The following PARD3 variants were observed in gnomAD, a reference collection of about 807,000 sequenced individuals.
The protein encoded by PARD3 is partitioning defective 3 homolog.
PARD3 carries 75 observed loss-of-function variants against 155.4 expected under a neutral mutation model. That is an observed-to-expected ratio of 0.48 (90% CI 0.40 to 0.58). The LOEUF is 0.58. Ranked by LOEUF, PARD3 falls within the 20% of genes least tolerant of loss-of-function variation. The probability of loss-of-function intolerance (pLI) is 0.00; values close to 1 mark genes in which losing one functional copy is unlikely to be tolerated. For synonymous variants in PARD3, 576 were observed against 610.5 expected (o/e 0.94, Z 0.83); for missense variants, 1,642 against 1,721.7 (o/e 0.95, Z 0.82).
At chr10:34,700,073 T>A (rs2094245902) in intron 1 of PARD3, among the ~76,000 whole-genome samples, 1 of 152,092 alleles carries the variant, frequency 6.6e-6, no homozygotes, top group South Asian at 2.1e-4. Context: ...AATTGTGTAT[T>A]ATGACAACCA....
intron 16 of PARD3, 110 bp from the exon 17 acceptor site, chr10:34,337,536 C>T (rs1023718798): frequency 2.0e-6 from 1 of 490,296 alleles, no homozygotes; most frequent in Non-Finnish European, 3.3e-6. Context: ...GTATATTCCT[C>T]AAGAAAAATT....
At chr10:34,687,137 T>C (rs1247788110) in intron 2 of PARD3, among the ~76,000 whole-genome samples, 10 of 152,184 alleles carry the variant, frequency 6.6e-5, no homozygotes, top group Non-Finnish European at 2.9e-5. Flanking sequence ...CTGAAAATTC[T>C]GCCATACTTG....
chr10:34,689,718 A>G (rs1313236914), intron 2 of PARD3, among the ~76,000 whole-genome samples: 1 of 152,224 alleles, frequency 6.6e-6, no homozygotes, highest in Admixed American at 6.5e-5. Flanking sequence ...GCAGAAGGAT[A>G]CAAAATCTAA....
intron 2 of PARD3, among the ~76,000 whole-genome samples, chr10:34,591,533 A>C (rs1461098469): frequency 6.6e-6 from 1 of 152,180 alleles, no homozygotes; most frequent in Non-Finnish European, 1.5e-5. Context: ...AATATCATAT[A>C]GTAAAGTAAG....
intron 22 of PARD3, among the ~76,000 whole-genome samples, chr10:34,166,783 A>C (rs1256918969): frequency 6.6e-6 from 1 of 152,126 alleles, no homozygotes; most frequent in Non-Finnish European, 1.5e-5. Flanking sequence ...TTCTCCTTAA[A>C]TACTTCTTTT....
chr10:34,271,056 C>A (rs901656580), intron 21 of PARD3, among the ~76,000 whole-genome samples: 14 of 152,050 alleles, frequency 9.2e-5, no homozygotes, highest in Admixed American at 7.9e-4. Flanking sequence ...AATTTAAGTA[C>A]ACACTTAAAT....
At chr10:34,294,427 G>A (rs997057474) in intron 20 of PARD3, among the ~76,000 whole-genome samples, 1 of 152,180 alleles carries the variant, frequency 6.6e-6, no homozygotes, top group African/African-American at 2.4e-5. Context: ...GATTGGTGGT[G>A]GGGAAGCCCC....
chr10:34,308,590 A>C (rs1450848871), intron 20 of PARD3, among the ~76,000 whole-genome samples: 1 of 152,194 alleles, frequency 6.6e-6, no homozygotes, highest in Non-Finnish European at 1.5e-5. Flanking sequence ...TCGCGGGAGC[A>C]GTTTGCGGGG....
intron 14 of PARD3, among the ~76,000 whole-genome samples, chr10:34,349,310 G>T (rs1418364527): frequency 6.6e-6 from 1 of 152,086 alleles, no homozygotes; most frequent in Non-Finnish European, 1.5e-5. Flanking sequence ...GCACTGGGGA[G>T]ATTTAATGCA....
chr10:34,761,946 A>G (rs779333122), intron 1 of PARD3, among the ~76,000 whole-genome samples: 1 of 152,176 alleles, frequency 6.6e-6, no homozygotes, highest in African/African-American at 2.4e-5. Flanking sequence ...ATACAAATAC[A>G]TATATATAAA....
intron 5 of PARD3, among the ~76,000 whole-genome samples, chr10:34,441,452 C>T (rs562378913): frequency 1.3e-5 from 2 of 152,262 alleles, no homozygotes; most frequent in East Asian, 1.9e-4. Context: ...TTCTATATAA[C>T]CAGTCTTAGG....
intron 22 of PARD3, among the ~76,000 whole-genome samples, chr10:34,254,073 A>G (rs1588948661): frequency 6.6e-6 from 1 of 152,150 alleles, no homozygotes; most frequent in South Asian, 2.1e-4. Flanking sequence ...GTACCTGATG[A>G]ATACAAACAA....
chr10:34,309,758 GC>G (rs370412959), intron 20 of PARD3, among the ~76,000 whole-genome samples: 4 of 53,548 alleles, frequency 7.5e-5, no homozygotes, highest in South Asian at 5.1e-4. Flanking sequence ...CCACCCCCCC[GC>G]CCCCCCAAGA....
At chr10:34,359,448 G>C (rs1439099241) in intron 13 of PARD3, 131 bp from the exon 14 acceptor site, 13 of 641,446 alleles carry the variant, frequency 2.0e-5, no homozygotes, top group Admixed American at 3.0e-5. Flanking sequence ...AATCCTAATG[G>C]ATTATGCCCA....
At chr10:34,174,901 A>G (rs935063084) in intron 22 of PARD3, among the ~76,000 whole-genome samples, 2 of 152,160 alleles carry the variant, frequency 1.3e-5, no homozygotes, top group East Asian at 3.8e-4. Flanking sequence ...CACAGGAAAA[A>G]CAGTATCTGT....
At chr10:34,212,566 A>C (rs12246044) in intron 22 of PARD3, among the ~76,000 whole-genome samples, 133 of 152,228 alleles carry the variant, frequency 8.7e-4, no homozygotes, top group African/African-American at 3.0e-3. Flanking sequence ...GTCACCATAA[A>C]ATGTTAAAAA....
At chr10:34,133,736 T>C (rs983374537) in intron 22 of PARD3, among the ~76,000 whole-genome samples, 4 of 152,206 alleles carry the variant, frequency 2.6e-5, no homozygotes, top group African/African-American at 9.7e-5. Context: ...TAATTCCACA[T>C]ATTTTGAAGA....
intron 2 of PARD3, among the ~76,000 whole-genome samples, chr10:34,620,651 T>A (rs778389146): frequency 4.6e-5 from 7 of 152,194 alleles, no homozygotes; most frequent in Middle Eastern, 3.2e-3. Flanking sequence ...AGCATCAGCT[T>A]AAACCTCTCA....
At chr10:34,712,055 G>T (rs951405401) in intron 1 of PARD3, among the ~76,000 whole-genome samples, 4 of 152,188 alleles carry the variant, frequency 2.6e-5, no homozygotes, top group Non-Finnish European at 5.9e-5. Flanking sequence ...TTAGGCAGAA[G>T]AAGTGAGCTT....
Sources: gnomAD v4.1 joint callset for allele counts (sites outside exome capture counted in the v4.1 genomes callset) on GRCh38, gnomAD v4.1.1 for gene constraint, MANE v1.5 for transcripts, NCBI Gene and HGNC (gene_info 2026-07-23, HGNC 2026-07-21) for gene names.